RCAN2: variants seen among roughly 807,000 people sequenced by gnomAD.
RCAN2 encodes the protein regulator of calcineurin 2.
RCAN2 carries 9 observed loss-of-function variants against 23.6 expected under a neutral mutation model. The observed-to-expected ratio is 0.38, with a 90% CI of 0.23 to 0.67. RCAN2 has a LOEUF of 0.67. Among genes scored for constraint, RCAN2 ranks in the 30% least tolerant of loss-of-function variants. The pLI, the probability that RCAN2 is intolerant of heterozygous loss-of-function variation, is 0.51. For missense variants in RCAN2, 273 were observed against 302.3 expected (o/e 0.90, Z 0.72); for synonymous variants, 109 against 115.7 (o/e 0.94, Z 0.37).
chr6:46,399,349 A>AT (rs1229685658), intron 2 of RCAN2, among the ~76,000 whole-genome samples: 1 of 151,564 alleles, frequency 6.6e-6, no homozygotes, highest in African/African-American at 2.4e-5. Context: ...AATACACTTA[A>AT]TTTTTTGTGA....
At position 46,234,496 on chromosome 6, in the gene RCAN2, G is replaced by T. The variant is rs184581500; in HGVS notation, c.572-11195C>A. On this transcript the variant is annotated intron_variant, in intron 4 of 4. Transcript: ENST00000371374. Reference sequence around the variant, plus strand: ...GTCAAATCTTACCCACACAGGGTGGGAGGTCCCACCATGGTGCAGTGAGAA... The same window carrying T: ...GTCAAATCTTACCCACACAGGGTGGTAGGTCCCACCATGGTGCAGTGAGAA... 4.8e-4 allele frequency among the ~76,000 whole-genome samples: 73 copies of T among 152,300 alleles called. No homozygotes were observed. The Middle Eastern group carries it at 0.017, about 35-fold the overall frequency.
intron 4 of RCAN2, among the ~76,000 whole-genome samples, chr6:46,235,383 C>T (rs1314152171): frequency 6.6e-6 from 1 of 152,190 alleles, no homozygotes; most frequent in African/African-American, 2.4e-5. Context: ...CAGGCAAGGC[C>T]AAGCTTTGCT....
chr6:46,401,906 T>C (rs184252776), intron 2 of RCAN2, among the ~76,000 whole-genome samples: 18 of 152,040 alleles, frequency 1.2e-4, no homozygotes, highest in Middle Eastern at 3.2e-3. Context: ...AGGACACTTG[T>C]GAAAGACAGG....
intron 1 of RCAN2, among the ~76,000 whole-genome samples, chr6:46,459,374 A>C (rs778992170): frequency 4.6e-5 from 7 of 152,168 alleles, no homozygotes; most frequent in Non-Finnish European, 5.9e-5. Flanking sequence ...TATTTTTCCA[A>C]AAAAAATCTA....
chr6:46,340,261 T>C (rs1764272767), intron 2 of RCAN2, among the ~76,000 whole-genome samples: 1 of 152,182 alleles, frequency 6.6e-6, no homozygotes, highest in African/African-American at 2.4e-5. Flanking sequence ...TCCTCAAGCT[T>C]TGAGAATTTT....
At chr6:46,334,041 G>C (rs1764066024) in intron 2 of RCAN2, among the ~76,000 whole-genome samples, 1 of 152,160 alleles carries the variant, frequency 6.6e-6, no homozygotes, top group Non-Finnish European at 1.5e-5. Flanking sequence ...CTTTGCGCTT[G>C]GCCATCCCTC....
chr6:46,244,736 G>A (rs1766452061), intron 4 of RCAN2, among the ~76,000 whole-genome samples: 1 of 152,086 alleles, frequency 6.6e-6, no homozygotes, highest in African/African-American at 2.4e-5. Context: ...CTTCGCTCTG[G>A]GCCTTAGTTT....
At chr6:46,423,031 G>C (rs1766925503) in intron 2 of RCAN2, among the ~76,000 whole-genome samples, 1 of 152,120 alleles carries the variant, frequency 6.6e-6, no homozygotes, top group Non-Finnish European at 1.5e-5. Flanking sequence ...CAGGCCAGAG[G>C]ATCCAGAGGA....
At chr6:46,451,669 G>A (rs974868782) in intron 2 of RCAN2, among the ~76,000 whole-genome samples, 3 of 152,134 alleles carry the variant, frequency 2.0e-5, no homozygotes, top group Admixed American at 6.6e-5. Flanking sequence ...CTAGCTCAGC[G>A]TTTAGTCAGC....
chr6:46,353,238 G>A (rs780544274), intron 2 of RCAN2, among the ~76,000 whole-genome samples: 1 of 152,162 alleles, frequency 6.6e-6, no homozygotes, highest in Non-Finnish European at 1.5e-5. Flanking sequence ...TTCTGGGCCT[G>A]AGCTTCTTCC....
At chr6:46,351,303 G>C (rs1403719553) in intron 2 of RCAN2, among the ~76,000 whole-genome samples, 1 of 152,134 alleles carries the variant, frequency 6.6e-6, no homozygotes, top group African/African-American at 2.4e-5. Flanking sequence ...TCCCTTTTAG[G>C]CAATTCTTTG....
intron 2 of RCAN2, among the ~76,000 whole-genome samples, chr6:46,401,567 A>G (rs1261994951): frequency 6.6e-6 from 1 of 152,176 alleles, no homozygotes; most frequent in Admixed American, 6.6e-5. Flanking sequence ...TTATATAATA[A>G]TGGGGACTGA....
chr6:46,235,941 T>C (rs2150310999), intron 4 of RCAN2, among the ~76,000 whole-genome samples: 1 of 152,310 alleles, frequency 6.6e-6, no homozygotes, highest in South Asian at 2.1e-4. Flanking sequence ...TTATATAACA[T>C]TTCTGAATCT....
intron 2 of RCAN2, among the ~76,000 whole-genome samples, chr6:46,349,127 T>C (rs1446910467): frequency 6.6e-6 from 1 of 152,238 alleles, no homozygotes; most frequent in Non-Finnish European, 1.5e-5. Context: ...TTATGCATTA[T>C]AACTTACTTG....
intron 2 of RCAN2, among the ~76,000 whole-genome samples, chr6:46,352,225 G>A (rs1304923533): frequency 6.6e-6 from 1 of 152,140 alleles, no homozygotes; most frequent in East Asian, 1.9e-4. Flanking sequence ...AAATATTGTT[G>A]TCTTAATCCA....
intron 1 of RCAN2, among the ~76,000 whole-genome samples, chr6:46,472,631 T>A (rs1768593710): frequency 6.6e-6 from 1 of 152,204 alleles, no homozygotes; most frequent in African/African-American, 2.4e-5. Flanking sequence ...ATTGTGTAGC[T>A]GCCTCTCTTT....
chr6:46,225,200 G>A (rs1287120424), intron 4 of RCAN2, among the ~76,000 whole-genome samples: 1 of 152,126 alleles, frequency 6.6e-6, no homozygotes, highest in Non-Finnish European at 1.5e-5. Flanking sequence ...CATTTGGGTT[G>A]GTTCCAAGTC....
chr6:46,338,013 A>T (rs986070487), intron 2 of RCAN2, among the ~76,000 whole-genome samples: 1 of 152,190 alleles, frequency 6.6e-6, no homozygotes, highest in Non-Finnish European at 1.5e-5. Flanking sequence ...GCAAGTAAAA[A>T]TCTAGATTAG....
At chr6:46,312,266 A>T (rs888967004) in intron 2 of RCAN2, among the ~76,000 whole-genome samples, 6 of 152,202 alleles carry the variant, frequency 3.9e-5, no homozygotes, top group Admixed American at 6.5e-5. Context: ...TTTAGCCCCT[A>T]TGAAAATATT....
Sources: allele counts gnomAD v4.1 joint callset (sites outside exome capture counted in the v4.1 genomes callset), GRCh38; gene constraint gnomAD v4.1.1; transcripts MANE v1.5; gene names NCBI Gene and HGNC (gene_info 2026-07-23, HGNC 2026-07-21).